CAST: variants seen among roughly 807,000 people sequenced by gnomAD.
CAST encodes MIR583 host.
In CAST, 76 loss-of-function variants were observed where a neutral mutation model predicts 119.6. That is an observed-to-expected ratio of 0.64 (90% CI 0.53 to 0.77). The LOEUF is 0.77. Among genes scored for constraint, CAST ranks in the 30% least tolerant of loss-of-function variants. The probability of loss-of-function intolerance (pLI) is 0.00; values close to 1 mark genes in which losing one functional copy is unlikely to be tolerated. For missense variants in CAST, 953 were observed against 946.5 expected, an observed-to-expected ratio of 1.01 and a Z score of -0.09; for synonymous variants, 319 against 331.6, an observed-to-expected ratio of 0.96 and a Z score of 0.41.
At chr5:96,064,475 A>G in the CAST span, among the ~76,000 whole-genome samples, 49,442 of 152,004 alleles carry the variant, frequency 0.33, 9,452 homozygotes, top group Non-Finnish European at 0.42. Context: ...AAAAGTATGT[A>G]ATTGCAGCCC....
At chr5:95,982,549 T>C in the CAST span, among the ~76,000 whole-genome samples, 2 of 152,208 alleles carry the variant, frequency 1.3e-5, no homozygotes, top group Non-Finnish European at 2.9e-5. Context: ...TGTTTTCTTA[T>C]CTGTAAATTG....
At chr5:96,064,468 A>AGCT in the CAST span, among the ~76,000 whole-genome samples, 1 of 141,150 alleles carries the variant, frequency 7.1e-6, no homozygotes, top group Non-Finnish European at 1.6e-5. Context: ...GATAGGCAAA[A>AGCT]GTATGTAATT....
At chr5:96,521,405 C>G (rs1228240457), upstream of CAST, among the ~76,000 whole-genome samples, 1 of 152,206 alleles carries the variant, frequency 6.6e-6, no homozygotes, top group African/African-American at 2.4e-5. Flanking sequence ...ACACCAAACT[C>G]TTTCTCACGT....
chr5:95,968,610 A>G, the CAST span, among the ~76,000 whole-genome samples: 15 of 152,184 alleles, frequency 9.9e-5, no homozygotes, highest in African/African-American at 2.4e-5. Context: ...ACATGTCATG[A>G]CAAAAAGCAG....
intron 1 of CAST, among the ~76,000 whole-genome samples, chr5:96,620,743 G>A (rs940801818): frequency 6.6e-6 from 1 of 152,172 alleles, no homozygotes; most frequent in African/African-American, 2.4e-5. Context: ...CTACTACTTA[G>A]GAAAAATTTT....
At chr5:96,569,219 G>A (rs1171976977) in intron 1 of CAST, among the ~76,000 whole-genome samples, 3 of 152,162 alleles carry the variant, frequency 2.0e-5, no homozygotes, top group Non-Finnish European at 4.4e-5. Flanking sequence ...AGAAACAGAT[G>A]CAATGAGAGA....
the CAST span, among the ~76,000 whole-genome samples, chr5:96,293,275 TTTTG>T: frequency 1.1e-4 from 17 of 152,108 alleles, no homozygotes; most frequent in East Asian, 1.5e-3. Flanking sequence ...GGTCTCTAGA[TTTTG>T]TTTGTTTGTT....
At chr5:96,237,021 A>G in the CAST span, among the ~76,000 whole-genome samples, 1 of 152,194 alleles carries the variant, frequency 6.6e-6, no homozygotes, top group Non-Finnish European at 1.5e-5. Context: ...GTTGTATATT[A>G]CAACTAAAGT....
rs769862082 is a variant in CAST at position 96,741,587 on chromosome 5, TCA to T, written c.1098+10_1098+11del. 6.3e-7 allele frequency: 1 copy of T among 1,599,124 alleles called. No homozygotes were observed. The highest frequency in any genetic ancestry group is 2.2e-5 in the East Asian group (1 of 44,792). Reference sequence around the variant, plus strand: ...GAAAAGAAAGGTGGAGAAGGTATAGTCACAGTCTACCTGACAGCAGTTGCTTT... The same window carrying T: ...GAAAAGAAAGGTGGAGAAGGTATAGTCAGTCTACCTGACAGCAGTTGCTTT... On this transcript the variant is annotated splice_region_variant and intron_variant, in intron 15 of 31. Transcript: ENST00000675179.
the CAST span, among the ~76,000 whole-genome samples, chr5:96,375,997 A>G: frequency 6.7e-6 from 1 of 150,148 alleles, no homozygotes; most frequent in African/African-American, 2.4e-5. Context: ...CCTGACTGAT[A>G]CATTCACCCA....
chr5:96,763,098 G>A, intron 25 of CAST: 1 of 776,304 alleles, frequency 1.3e-6, no homozygotes, highest in South Asian at 1.3e-5. Flanking sequence ...TCATTTGCTA[G>A]ATGGAGATGA....
intron 24 of CAST, 71 bp downstream of exon 24, chr5:96,757,725 C>A: frequency 1.9e-6 from 2 of 1,045,896 alleles, no homozygotes; most frequent in South Asian, 1.4e-5. Context: ...GAGTCTTGCT[C>A]TGTCATCCAG....
chr5:96,189,004 C>G, the CAST span, among the ~76,000 whole-genome samples: 2 of 152,134 alleles, frequency 1.3e-5, no homozygotes, highest in African/African-American at 4.8e-5. Flanking sequence ...CTTCTTCACT[C>G]TATCACTGAA....
At chr5:96,029,976 G>GA in the CAST span, among the ~76,000 whole-genome samples, 1 of 152,014 alleles carries the variant, frequency 6.6e-6, no homozygotes, top group Admixed American at 6.6e-5. Flanking sequence ...TGTCTGACTT[G>GA]ACATTTCTTG....
At chr5:96,607,115 C>G (rs1474928114) in intron 1 of CAST, among the ~76,000 whole-genome samples, 1 of 152,100 alleles carries the variant, frequency 6.6e-6, no homozygotes, top group Non-Finnish European at 1.5e-5. Context: ...AGGGAAAACC[C>G]ATCTCTACTA....
At chr5:96,496,779 G>A in the CAST span, among the ~76,000 whole-genome samples, 1 of 152,046 alleles carries the variant, frequency 6.6e-6, no homozygotes, top group Non-Finnish European at 1.5e-5. Flanking sequence ...TTCGTCTTTA[G>A]AATTAGCATA....
chr5:96,700,195 G>C (rs1023523464), intron 3 of CAST, among the ~76,000 whole-genome samples: 2 of 152,168 alleles, frequency 1.3e-5, no homozygotes, highest in African/African-American at 4.8e-5. Flanking sequence ...TGAGATGACT[G>C]TGTGTTAGAC....
At chr5:96,506,376 G>A in the CAST span, among the ~76,000 whole-genome samples, 1 of 152,228 alleles carries the variant, frequency 6.6e-6, no homozygotes, top group Admixed American at 6.5e-5. Context: ...AGACAATTAA[G>A]CTCAAATGAA....
At chr5:96,125,728 G>A in the CAST span, among the ~76,000 whole-genome samples, 1 of 152,042 alleles carries the variant, frequency 6.6e-6, no homozygotes, top group Non-Finnish European at 1.5e-5. Context: ...TTTTCTATGA[G>A]GTATTTCTGT....
Sources: allele counts gnomAD v4.1 joint callset (sites outside exome capture counted in the v4.1 genomes callset), GRCh38; gene constraint gnomAD v4.1.1; transcripts MANE v1.5; gene names NCBI Gene and HGNC (gene_info 2026-07-23, HGNC 2026-07-21).